The following SLC24A1 variants were observed in gnomAD, a reference collection of about 807,000 sequenced individuals.
SLC24A1 encodes the protein solute carrier family 24 member 1, also known as sodium/potassium/calcium exchanger 1.
In SLC24A1, 52 loss-of-function variants were observed where a neutral mutation model predicts 88.1. The observed-to-expected ratio is 0.59, with a 90% CI of 0.47 to 0.74. The LOEUF is 0.74. SLC24A1 is among the 30% of genes least tolerant of loss of function. The pLI is 0.00. For missense variants in SLC24A1, 1,173 were observed against 1,363.3 expected, an observed-to-expected ratio of 0.86 and a Z score of 2.20; for synonymous variants, 455 against 498.0, an observed-to-expected ratio of 0.91 and a Z score of 1.15.
In SLC24A1 at chr15:65,655,279, G is replaced by A; in HGVS notation, c.*1200G>A. On this transcript the variant is annotated 3_prime_UTR_variant, in exon 10 of 10. Coordinates refer to ENST00000261892, the MANE Select transcript of SLC24A1 (RefSeq NM_004727.3). ...AAAGTAAGAGATCCAGTGGGACAATGCTATTTTTGTATGCCAACCTAGATA... is the reference window on the plus strand; with the variant it reads ...AAAGTAAGAGATCCAGTGGGACAATACTATTTTTGTATGCCAACCTAGATA... 1 of 985,510 alleles carries A rather than the reference G, an allele frequency of 1.0e-6. No homozygotes were observed. Among genetic ancestry groups the A allele is most frequent in the Non-Finnish European group, 1.2e-6 (1 of 829,996 alleles). The allele number at this position is 985,510 out of a possible 1,614,324, so 61.0% of individuals were successfully genotyped here.
chr15:65,619,347 CA>C (rs1438158336), upstream of SLC24A1, among the ~76,000 whole-genome samples: 1 of 152,100 alleles, frequency 6.6e-6, no homozygotes, highest in Admixed American at 6.5e-5. Flanking sequence ...CCCTCAGACT[CA>C]TTTGTTTGCT....
intron 6 of SLC24A1, among the ~76,000 whole-genome samples, chr15:65,649,331 C>A (rs1036413744): frequency 6.6e-6 from 1 of 152,130 alleles, no homozygotes; most frequent in South Asian, 2.1e-4. Context: ...AACTCCTGAC[C>A]TTGTGATCCG....
At chr15:65,651,272 G>C (rs938021693) in intron 7 of SLC24A1, among the ~76,000 whole-genome samples, 2 of 152,164 alleles carry the variant, frequency 1.3e-5, no homozygotes, top group Non-Finnish European at 2.9e-5. Context: ...TTTCACAGGA[G>C]TATTCCCAAA....
chr15:65,640,644 T>C (rs993751959), intron 4 of SLC24A1, among the ~76,000 whole-genome samples: 2 of 152,138 alleles, frequency 1.3e-5, no homozygotes, highest in African/African-American at 4.8e-5. Flanking sequence ...GAATGATCCA[T>C]TGAGTCCCAG....
Position 65,652,747 on chromosome 15 carries a change from G to A in SLC24A1, c.2989G>A (p.Gly997Ser), listed in dbSNP as rs2075548753. The change falls in exon 9 of 10, where the codon GGC (glycine) becomes AGC (serine). Residue 997 changes from glycine (G) to serine (S), a missense_variant. Physicochemically the swap from Gly to Ser is moderately conservative, Grantham distance 56. Transcript: ENST00000261892. Reference sequence around the variant, plus strand: ...CACCAGTGTGATTGTCGCTCGAAAAGGCCTGGGAGACATGGCTGTGTCAAG... The same window carrying A: ...CACCAGTGTGATTGTCGCTCGAAAAAGCCTGGGAGACATGGCTGTGTCAAG... ...LITSVIVARK[G>S]LGDMAVSSSV... 2 of 1,613,688 alleles carry A rather than the reference G, an allele frequency of 1.2e-6. No individual in the cohort carries two copies. The highest frequency in any genetic ancestry group is 2.7e-5 in the African/African-American group (2 of 74,894).
At position 65,656,244 on chromosome 15, in the gene SLC24A1, C is replaced by G; in HGVS notation, c.*2165C>G. ...GAAATATCCACTGAATGATTAAAACCAACTCTAATAATCTGACATCCTTTT... is the reference window on the plus strand; with the variant it reads ...GAAATATCCACTGAATGATTAAAACGAACTCTAATAATCTGACATCCTTTT... On this transcript the variant is annotated 3_prime_UTR_variant, in exon 10 of 10. Transcript: ENST00000261892. 1 of 984,834 alleles carries G rather than the reference C, an allele frequency of 1.0e-6. No homozygotes were observed. Among genetic ancestry groups the G allele is most frequent in the Non-Finnish European group, 1.2e-6 (1 of 829,434 alleles). 61.0% of individuals were successfully genotyped at this position (984,834 alleles called of 1,614,324 possible).
chr15:65,618,630 T>C (rs1312995887), upstream of SLC24A1, among the ~76,000 whole-genome samples: 1 of 152,232 alleles, frequency 6.6e-6, no homozygotes, highest in East Asian at 1.9e-4. Flanking sequence ...TTACACATCT[T>C]CACCGGTATC....
In SLC24A1 at chr15:65,654,155, G is replaced by A; in HGVS notation, c.*76G>A. On this transcript the variant is annotated 3_prime_UTR_variant, in exon 10 of 10. Coordinates refer to ENST00000261892, the MANE Select transcript of SLC24A1 (RefSeq NM_004727.3). ...TTACTGTATCTCTTGTGACCCTAAT[G>A]AAAGAATGTATATGATCCTGGAAAG... is the stretch of plus-strand genomic sequence containing the variant. The A allele has an allele frequency of 6.5e-7, 1 of 1,546,936 alleles. No homozygotes were observed. The highest frequency in any genetic ancestry group is 8.7e-7 in the Non-Finnish European group (1 of 1,148,408).
At position 65,624,915 on chromosome 15, in the gene SLC24A1, A is replaced by G; in HGVS notation, c.835A>G (p.Asn279Asp). Residue 279 changes from asparagine to aspartate, a missense_variant, in exon 2 of 10, where the codon AAC (asparagine) becomes GAC (aspartate). Asn to Asp is a conservative substitution (Grantham distance 23, BLOSUM62 1). Transcript: ENST00000261892. Reference sequence around the variant, plus strand: ...TTCTCCAAGGAGCGTCATGGAAAAAAACAACCTGTTTCCCCCCAGAAGAGT... The same window carrying G: ...TTCTCCAAGGAGCGTCATGGAAAAAGACAACCTGTTTCCCCCCAGAAGAGT... ...LTSPRSVMEK[N>D]NLFPPRRVES... The G allele has an allele frequency of 1.2e-6, 2 of 1,613,422 alleles. No homozygotes were observed. Among genetic ancestry groups the G allele is most frequent in the East Asian group, 2.2e-5 (1 of 44,882 alleles).
intron 3 of SLC24A1, 114 bp downstream of exon 3, chr15:65,638,295 G>A (rs757824005): frequency 3.8e-5 from 29 of 771,504 alleles, no homozygotes; most frequent in Non-Finnish European, 6.0e-5. Flanking sequence ...TCAGGCCTAG[G>A]AAACTCCTGG....
In SLC24A1 at chr15:65,653,840, C is replaced by T. The variant is rs751966682; in HGVS notation, c.3061C>T (p.Pro1021Ser). 2.5e-6 allele frequency: 4 copies of T among 1,613,632 alleles called. No homozygotes were observed. In the African/African-American group the frequency reaches 4.0e-5, roughly 16 times the overall value. The stretch of plus-strand genomic sequence containing the variant: ...TCTTCAATCTTGCAGCTTGCCTGTT[C>T]CTTGGTTGCTTTTCTCTCTTATCAA... ...IFDITVGLPVPWLLFSLINGL... is the reference protein window; with the variant it reads ...IFDITVGLPVSWLLFSLINGL... Residue 1021 changes from proline (P) to serine (S), a missense_variant, in exon 10 of 10, where the codon CCT (proline) becomes TCT (serine). Pro to Ser is a moderately conservative substitution (Grantham distance 74, BLOSUM62 -1). Coordinates refer to ENST00000261892, the MANE Select transcript of SLC24A1 (RefSeq NM_004727.3).
chr15:65,611,463 C>A (rs761494584), exon 1 of SLC24A1: 2 of 492,180 alleles, frequency 4.1e-6, no homozygotes, highest in Admixed American at 3.3e-5. Context: ...CCCCACTGAC[C>A]CATGGGCCTC....
chr15:65,613,480 T>TTGTG (rs35141100), intron 2 of SLC24A1, among the ~76,000 whole-genome samples: 2,981 of 149,092 alleles, frequency 0.02, 78 homozygotes, highest in African/African-American at 0.057. Context: ...CAGGGTGATT[T>TTGTG]TGTGTGTGTG....
rs947537617 is a variant in SLC24A1, at chr15:65,650,109, A to G, written c.2233-273A>G. Among the ~76,000 whole-genome samples, 6 of 152,308 alleles carry G rather than the reference A, an allele frequency of 3.9e-5. No individual in the cohort carries two copies. Among genetic ancestry groups the G allele is most frequent in the African/African-American group, 1.4e-4 (6 of 41,562 alleles). On this transcript the variant is annotated intron_variant, in intron 6 of 9. Transcript: ENST00000261892. The surrounding 1 kb of genome is among the most constrained non-coding windows in gnomAD (Gnocchi z 4.1). ...ATGGGGGTAGAACTTTGATATAAATATGGACTTCAGATGAATCAGAGGTGC... is the reference window on the plus strand; with the variant it reads ...ATGGGGGTAGAACTTTGATATAAATGTGGACTTCAGATGAATCAGAGGTGC...
chr15:65,635,446 C>CAGAA (rs1239356693), intron 2 of SLC24A1, among the ~76,000 whole-genome samples: 1 of 58,352 alleles, frequency 1.7e-5, no homozygotes, highest in Admixed American at 2.6e-4. Flanking sequence ...ACTCCGTCTC[C>CAGAA]AAAAAAAAAA....
At chr15:65,644,551 C>T (rs1375320940) in intron 5 of SLC24A1, 38 bp downstream of exon 5, 1 of 1,400,246 alleles carries the variant, frequency 7.1e-7, no homozygotes, top group East Asian at 2.5e-5. Context: ...TTCTCCTGCC[C>T]CCCTCTCCCT....
chr15:65,621,129 A>T (rs1459642499), upstream of SLC24A1, among the ~76,000 whole-genome samples: 1 of 152,228 alleles, frequency 6.6e-6, no homozygotes, highest in Non-Finnish European at 1.5e-5. Context: ...ATTTCAGATG[A>T]AAGTAACCCA....
chr15:65,635,801 C>T (rs1234064066), intron 2 of SLC24A1, among the ~76,000 whole-genome samples: 1 of 152,234 alleles, frequency 6.6e-6, no homozygotes, highest in Non-Finnish European at 1.5e-5. Context: ...CTATCTGTGC[C>T]TTTTATTTCA....
chr15:65,647,402 G>A (rs970909794), intron 6 of SLC24A1, among the ~76,000 whole-genome samples: 7 of 148,756 alleles, frequency 4.7e-5, no homozygotes, highest in Non-Finnish European at 8.9e-5. Context: ...CACTTGAACT[G>A]TGGAGGCGGA....
Sources: allele counts gnomAD v4.1 joint callset (sites outside exome capture counted in the v4.1 genomes callset), GRCh38; gene constraint gnomAD v4.1.1; non-coding constraint Gnocchi (gnomAD v3.1); transcripts MANE v1.5; gene names NCBI Gene and HGNC (gene_info 2026-07-23, HGNC 2026-07-21).